The following HECA variants were observed in gnomAD, a reference collection of about 807,000 sequenced individuals.
HECA encodes the protein HECA ribonucleoprotein granule regulator.
In HECA, 13 loss-of-function variants were observed where a neutral mutation model predicts 37.6. The ratio of observed to expected loss-of-function variants is 0.35; its 90% CI spans 0.23 to 0.55. The LOEUF (loss-of-function observed/expected upper bound fraction) is 0.55. HECA is among the 20% of genes least tolerant of loss of function. The pLI, the probability that HECA is intolerant of heterozygous loss-of-function variation, is 0.90. For missense variants in HECA, 527 were observed against 701.9 expected (o/e 0.75, Z 2.82); for synonymous variants, 307 against 291.5 (o/e 1.05, Z -0.54).
chr6:139,136,641 G>GT (rs71015633), intron 1 of HECA, among the ~76,000 whole-genome samples: 26,817 of 142,306 alleles, frequency 0.19, 2,566 homozygotes, highest in East Asian at 0.24. Context: ...TTTTTGTTTT[G>GT]TTTTTTTTTT....
At chr6:139,160,739 G>C (rs1451137379) in intron 1 of HECA, among the ~76,000 whole-genome samples, 1 of 152,196 alleles carries the variant, frequency 6.6e-6, no homozygotes, top group African/African-American at 2.4e-5. Flanking sequence ...CTAAACACCT[G>C]TATGGCATGT....
chr6:139,141,785 A>G (rs1774516214), intron 1 of HECA, among the ~76,000 whole-genome samples: 1 of 143,410 alleles, frequency 7.0e-6, no homozygotes, highest in African/African-American at 2.6e-5. Flanking sequence ...ACAGAGTCTC[A>G]CTATGTCACC....
At chr6:139,169,948 C>T (rs1017478296) in intron 2 of HECA, 2 of 152,228 alleles carry the variant, frequency 1.3e-5, no homozygotes, top group African/African-American at 4.8e-5. Context: ...TCCCTGCGAG[C>T]TCCCTACAAA....
intron 1 of HECA, among the ~76,000 whole-genome samples, chr6:139,148,707 A>G (rs1774613366): frequency 6.6e-6 from 1 of 152,058 alleles, no homozygotes; most frequent in Admixed American, 6.5e-5. Context: ...CAGAGGTTGC[A>G]GTGAGCTGAG....
chr6:139,171,231 G>GA (rs1332271863), intron 2 of HECA, among the ~76,000 whole-genome samples: 2 of 151,072 alleles, frequency 1.3e-5, no homozygotes, highest in Non-Finnish European at 3.0e-5. Context: ...GAAGAAAAGA[G>GA]AAAAAAAAGG....
chr6:139,139,483 G>C (rs1476692577), intron 1 of HECA, among the ~76,000 whole-genome samples: 1 of 152,226 alleles, frequency 6.6e-6, no homozygotes, highest in Non-Finnish European at 1.5e-5. Flanking sequence ...CCTGGAAATA[G>C]CCTGAGCAGA....
intron 1 of HECA, among the ~76,000 whole-genome samples, chr6:139,159,644 C>T (rs1774768776): frequency 6.6e-6 from 1 of 152,094 alleles, no homozygotes; most frequent in African/African-American, 2.4e-5. Context: ...ATGGGTTCAC[C>T]CTCTCTCTAT....
chr6:139,136,184 G>A (rs1315809020), intron 1 of HECA, among the ~76,000 whole-genome samples: 1 of 151,458 alleles, frequency 6.6e-6, no homozygotes. Context: ...GACATTTAGG[G>A]CCTCTGTGTT....
At chr6:139,154,451 C>T (rs1467393396) in intron 1 of HECA, among the ~76,000 whole-genome samples, 1 of 152,246 alleles carries the variant, frequency 6.6e-6, no homozygotes, top group Non-Finnish European at 1.5e-5. Flanking sequence ...GAACTCTGAT[C>T]TAGGGGATAT....
In HECA at chr6:139,147,423, C is replaced by T. The variant is rs143251070; in HGVS notation, c.271+11756C>T. 1.3e-4 allele frequency among the ~76,000 whole-genome samples: 20 copies of T among 151,940 alleles called. No individual in the cohort carries two copies. In the East Asian group the frequency reaches 3.9e-3, roughly 29 times the overall value. On this transcript the variant is annotated intron_variant, in intron 1 of 3. Coordinates refer to ENST00000367658, the MANE Select transcript of HECA (RefSeq NM_016217.3). ...GGTGAAACACTTGAGTCCAGGAGTT[C>T]GAAACCAGCCTGGGCAACATGACAA...
intron 1 of HECA, chr6:139,159,013 C>T (rs535850317): frequency 4.0e-5 from 6 of 151,762 alleles, no homozygotes; most frequent in South Asian, 4.2e-4. Flanking sequence ...GCGGAGGTTG[C>T]GGTGAGCCGA....
chr6:139,155,276 CAGT>C (rs1562245139), intron 1 of HECA, among the ~76,000 whole-genome samples: 1 of 152,138 alleles, frequency 6.6e-6, no homozygotes, highest in Non-Finnish European at 1.5e-5. Flanking sequence ...AAAAGATAAA[CAGT>C]GGTACACACA....
rs1774421486 is a variant in HECA, at chr6:139,135,555, G to GGCGGCGGGC, written c.163_171dup (p.Ala55_Ala57dup). 2 of 976,036 alleles carry GGCGGCGGGC rather than the reference G, an allele frequency of 2.0e-6. No individual in the cohort carries two copies. The highest frequency in any genetic ancestry group is 2.4e-6 in the Non-Finnish European group (2 of 825,548). The allele number at this position is 976,036 out of a possible 1,614,324, so 60.5% of individuals were successfully genotyped here. On this transcript the variant is annotated inframe_insertion, in exon 1 of 4. Transcript: ENST00000367658. ...CGGCGGCGGCCGGTTGCGGGGCGGC[G>GGCGGCGGGC]GCGGCGGGCGCGCCGGGCGCCGGAG...
At chr6:139,170,016 T>C (rs1442895976) in intron 2 of HECA, 3 of 152,252 alleles carry the variant, frequency 2.0e-5, no homozygotes. Flanking sequence ...CAGTCTACTT[T>C]CTGACTTCAT....
intron 1 of HECA, among the ~76,000 whole-genome samples, chr6:139,143,096 G>C (rs1458227004): frequency 1.3e-5 from 2 of 152,200 alleles, no homozygotes; most frequent in African/African-American, 4.8e-5. Flanking sequence ...AGTGAAAAAA[G>C]ACTGGGTACT....
At chr6:139,164,106 TCTTCTCACA>T (rs1774848608) in intron 1 of HECA, among the ~76,000 whole-genome samples, 6 of 145,818 alleles carry the variant, frequency 4.1e-5, no homozygotes. Flanking sequence ...TCTCTGAGCA[TCTTCTCACA>T]CTGCTCCTGA....
chr6:139,171,296 G>C (rs1265973792), intron 2 of HECA, among the ~76,000 whole-genome samples: 1 of 152,198 alleles, frequency 6.6e-6, no homozygotes, highest in African/African-American at 2.4e-5. Context: ...TCAGGGAGCA[G>C]ATGAAGAAAG....
intron 1 of HECA, among the ~76,000 whole-genome samples, chr6:139,140,372 A>G (rs1774498830): frequency 6.6e-6 from 1 of 152,168 alleles, no homozygotes; most frequent in Non-Finnish European, 1.5e-5. Flanking sequence ...TTGCCTTTGG[A>G]TGTTGTCTTT....
intron 2 of HECA, among the ~76,000 whole-genome samples, chr6:139,167,842 G>A (rs932913323): frequency 6.6e-6 from 1 of 152,192 alleles, no homozygotes; most frequent in African/African-American, 2.4e-5. Flanking sequence ...CCCGGTGGTG[G>A]TGGTGGAAGG....
Sources: allele counts gnomAD v4.1 joint callset (sites outside exome capture counted in the v4.1 genomes callset), GRCh38; gene constraint gnomAD v4.1.1; transcripts MANE v1.5; gene names NCBI Gene and HGNC (gene_info 2026-07-23, HGNC 2026-07-21).